The following LRCH1 variants were observed in gnomAD, a reference collection of about 807,000 sequenced individuals.
LRCH1 encodes leucine rich repeats and calponin homology domain containing 1, also known as leucine-rich repeat and calponin homology domain-containing protein 1.
Under a neutral mutation model 94.9 loss-of-function variants are expected in LRCH1, and 23 were observed. The ratio of observed to expected loss-of-function variants is 0.24; its 90% CI spans 0.17 to 0.34. The LOEUF is 0.34. Ranked by LOEUF, LRCH1 falls within the 10% of genes least tolerant of loss-of-function variation. LRCH1 has a pLI of 1.00. For missense variants in LRCH1, 790 were observed against 945.9 expected, an observed-to-expected ratio of 0.84 and a Z score of 2.16; for synonymous variants, 364 against 354.9, an observed-to-expected ratio of 1.03 and a Z score of -0.29.
intron 1 of LRCH1, among the ~76,000 whole-genome samples, chr13:46,646,752 T>A (rs544170800): frequency 6.6e-6 from 1 of 152,354 alleles, no homozygotes; most frequent in South Asian, 2.1e-4. Flanking sequence ...ATATTTATGA[T>A]GTTTGTTAAT....
At chr13:46,555,802 G>A (rs1182828437) in intron 1 of LRCH1, among the ~76,000 whole-genome samples, 1 of 152,220 alleles carries the variant, frequency 6.6e-6, no homozygotes, top group Non-Finnish European at 1.5e-5. Context: ...ATACCCAAAT[G>A]TATTAAATAT....
chr13:46,739,574 G>T (rs932627655), intron 19 of LRCH1, among the ~76,000 whole-genome samples: 2 of 152,114 alleles, frequency 1.3e-5, no homozygotes, highest in African/African-American at 2.4e-5. Flanking sequence ...GCCCTGGTTT[G>T]CTTCATGGCC....
In LRCH1 at chr13:46,660,549, G is replaced by T. The variant is rs75251901; in HGVS notation, c.453-8481G>T. ...TGTATTTTCTCTGAGCTTAGAACAG[G>T]TTCTTGGACAGAGCAGGAACTCAGC... On this transcript the variant is annotated intron_variant, in intron 2 of 19. Coordinates refer to ENST00000389797, the MANE Select transcript of LRCH1 (RefSeq NM_001164211.2). Among the ~76,000 whole-genome samples the T allele has an allele frequency of 4.1e-3, 625 of 152,318 alleles. 2 individuals carry two copies. The highest frequency in any genetic ancestry group is 0.014 in the African/African-American group (589 of 41,564).
chr13:46,716,678 T>A (rs1300711499), intron 16 of LRCH1, among the ~76,000 whole-genome samples: 1 of 152,238 alleles, frequency 6.6e-6, no homozygotes, highest in Admixed American at 6.5e-5. Flanking sequence ...CAAAAATGCT[T>A]CTACAATTTC....
chr13:46,603,942 C>A (rs9534436), intron 1 of LRCH1, among the ~76,000 whole-genome samples: 7,578 of 152,298 alleles, frequency 0.05, 234 homozygotes, highest in East Asian at 0.1. Flanking sequence ...TAGGCGTGAG[C>A]CACCATGCCC....
rs1236753098 is a variant in LRCH1 at position 46,573,862 on chromosome 13, A to G, written c.307+20159A>G. Among the ~76,000 whole-genome samples, 9 of 72,284 alleles carry G rather than the reference A, an allele frequency of 1.2e-4. 1 individual carries two copies. In the East Asian group the frequency reaches 3.3e-3, roughly 27 times the overall value. 47.4% of individuals were successfully genotyped at this position (72,284 alleles called of 152,430 possible). A position where few individuals can be genotyped will look rare whatever the true frequency, so the allele number is the denominator to read the frequency against. On this transcript the variant is annotated intron_variant, in intron 1 of 19. Transcript: ENST00000389797. ...TATAGTCAAATATATATATATATATATATATTTTTTTTTTTTTTGAGATGG... is the reference window on the plus strand; with the variant it reads ...TATAGTCAAATATATATATATATATGTATATTTTTTTTTTTTTTGAGATGG...
intron 17 of LRCH1, 63 bp downstream of exon 17, chr13:46,723,393 C>G (rs1346180532): frequency 8.0e-7 from 1 of 1,250,382 alleles, no homozygotes; most frequent in African/African-American, 1.5e-5. Flanking sequence ...TTTTGAGAAA[C>G]AGACTTTGAA....
intron 16 of LRCH1, among the ~76,000 whole-genome samples, chr13:46,716,902 GTT>G (rs11311931): frequency 6.7e-6 from 1 of 149,402 alleles, no homozygotes; most frequent in Admixed American, 6.7e-5. Flanking sequence ...CTTTACTTAA[GTT>G]TTTTTTTTTC....
At chr13:46,563,466 A>T (rs1365384157) in intron 1 of LRCH1, among the ~76,000 whole-genome samples, 1 of 152,182 alleles carries the variant, frequency 6.6e-6, no homozygotes, top group African/African-American at 2.4e-5. Flanking sequence ...AGATGACTTA[A>T]ACCCTATGCA....
At chr13:46,648,186 A>C (rs147835672) in intron 1 of LRCH1, among the ~76,000 whole-genome samples, 1 of 152,334 alleles carries the variant, frequency 6.6e-6, no homozygotes, top group Admixed American at 6.5e-5. Flanking sequence ...AGGAGCACGC[A>C]ACCTAGGTCT....
At chr13:46,574,842 T>C (rs1266232524) in intron 1 of LRCH1, among the ~76,000 whole-genome samples, 16 of 150,846 alleles carry the variant, frequency 1.1e-4, no homozygotes, top group East Asian at 5.8e-4. Flanking sequence ...TTTTTTTTTT[T>C]TTTTGGTGTA....
At chr13:46,691,933 C>T (rs1261702741) in intron 7 of LRCH1, among the ~76,000 whole-genome samples, 1 of 152,132 alleles carries the variant, frequency 6.6e-6, no homozygotes, top group Non-Finnish European at 1.5e-5. Flanking sequence ...TGTGATCCAC[C>T]TGCCTCAGCC....
intron 1 of LRCH1, among the ~76,000 whole-genome samples, chr13:46,631,654 G>A (rs2051018718): frequency 6.6e-6 from 1 of 151,882 alleles, no homozygotes; most frequent in Non-Finnish European, 1.5e-5. Context: ...GTTTGGTATA[G>A]GGAGTCATGT....
chr13:46,563,105 G>A (rs1247211581), intron 1 of LRCH1, among the ~76,000 whole-genome samples: 1 of 152,118 alleles, frequency 6.6e-6, no homozygotes, highest in Non-Finnish European at 1.5e-5. Flanking sequence ...TGAGGGAGAT[G>A]GGCAGGTGTT....
intron 1 of LRCH1, among the ~76,000 whole-genome samples, chr13:46,584,662 A>G (rs2050410617): frequency 6.6e-6 from 1 of 152,118 alleles, no homozygotes; most frequent in South Asian, 2.1e-4. Context: ...TAGGCTCTTT[A>G]TCTGTACCTG....
intron 1 of LRCH1, among the ~76,000 whole-genome samples, chr13:46,630,270 CTA>C (rs2138042961): frequency 6.6e-6 from 1 of 152,306 alleles, no homozygotes; most frequent in African/African-American, 2.4e-5. Flanking sequence ...ATGGGGCAGA[CTA>C]TTTTTCTGTT....
chr13:46,752,100 G>T (rs141762841), exon 19 of LRCH1: 448 of 152,572 alleles, frequency 2.9e-3, no homozygotes, highest in Non-Finnish European at 5.2e-3. Flanking sequence ...ACAAAATAGG[G>T]CTAGAGAAGA....
intron 16 of LRCH1, among the ~76,000 whole-genome samples, chr13:46,721,679 C>T (rs760108272): frequency 1.8e-4 from 27 of 152,268 alleles, no homozygotes; most frequent in Non-Finnish European, 3.2e-4. Flanking sequence ...CCTGTGACTG[C>T]CTTTGGTGTT....
chr13:46,583,968 C>T (rs187704511), intron 1 of LRCH1, among the ~76,000 whole-genome samples: 8 of 147,138 alleles, frequency 5.4e-5, no homozygotes, highest in Admixed American at 2.1e-4. Context: ...TTAAACTCCA[C>T]GAGGTCAGGA....
Sources: allele counts gnomAD v4.1 joint callset (sites outside exome capture counted in the v4.1 genomes callset), GRCh38; gene constraint gnomAD v4.1.1; transcripts MANE v1.5; gene names NCBI Gene and HGNC (gene_info 2026-07-23, HGNC 2026-07-21).